The following TSHZ3 variants were observed in gnomAD, a reference collection of about 807,000 sequenced individuals.
The protein encoded by TSHZ3 is teashirt zinc finger homeobox 3, also known as teashirt homolog 3.
A neutral mutation model predicts 64.5 loss-of-function variants in TSHZ3; 10 were observed. The observed-to-expected ratio is 0.16, with a 90% CI of 0.10 to 0.26. TSHZ3 has a LOEUF of 0.26. TSHZ3 is among the 10% of genes least tolerant of loss of function. TSHZ3 has a pLI of 1.00. For missense variants in TSHZ3, 1,242 were observed against 1,421.7 expected, an observed-to-expected ratio of 0.87 and a Z score of 2.03; for synonymous variants, 608 against 593.1, an observed-to-expected ratio of 1.03 and a Z score of -0.36.
rs1479769870 is a variant in TSHZ3, at chr19:31,337,261, C to T, written c.40+11919G>A. 5.3e-5 allele frequency among the ~76,000 whole-genome samples: 8 copies of T among 152,122 alleles called. No individual in the cohort carries two copies. The South Asian group carries it at 1.0e-3, about 20-fold the overall frequency. On this transcript the variant is annotated intron_variant, in intron 1 of 1. Coordinates refer to ENST00000240587, the MANE Select transcript of TSHZ3 (RefSeq NM_020856.4). ...GATGGATGGCTGCAATAAATCATGTCTCCAGCCATAAAACTGAGAAAAGGG... is the reference window on the plus strand; with the variant it reads ...GATGGATGGCTGCAATAAATCATGTTTCCAGCCATAAAACTGAGAAAAGGG...
chr19:31,330,972 C>T (rs1016786926), intron 1 of TSHZ3, among the ~76,000 whole-genome samples: 12 of 152,186 alleles, frequency 7.9e-5, no homozygotes, highest in East Asian at 5.8e-4. Flanking sequence ...CAATGGGAAA[C>T]GCAGGGCCTG....
Position 31,341,627 on chromosome 19 carries a change from TCTGACA to T in TSHZ3, c.40+7547_40+7552del, listed in dbSNP as rs1159055525. The stretch of plus-strand genomic sequence containing the variant: ...TGCACTCACTCTCTCTCTCTCTCTC[TCTGACA>T]CACACACACACACACACACACACAC... On this transcript the variant is annotated intron_variant, in intron 1 of 1. Transcript: ENST00000240587. Among the ~76,000 whole-genome samples the T allele has an allele frequency of 3.4e-5, 4 of 116,660 alleles. No individual in the cohort carries two copies. In the East Asian group the frequency reaches 7.4e-4, roughly 22 times the overall value. The allele number at this position is 116,660 out of a possible 152,430, so 76.5% of individuals were successfully genotyped here. A position where few individuals can be genotyped will look rare whatever the true frequency, so the allele number is the denominator to read the frequency against.
At chr19:31,198,940 A>G (rs1975031932) in intron 5 of TSHZ3, among the ~76,000 whole-genome samples, 1 of 152,194 alleles carries the variant, frequency 6.6e-6, no homozygotes, top group Non-Finnish European at 1.5e-5. Context: ...TCCGATTTAC[A>G]GGGAGAGGTA....
chr19:31,240,959 C>A (rs1168311657), intron 3 of TSHZ3, among the ~76,000 whole-genome samples: 3 of 152,124 alleles, frequency 2.0e-5, no homozygotes, highest in Non-Finnish European at 4.4e-5. Context: ...AAATATTATA[C>A]TTGTTTTAAA....
intron 1 of TSHZ3, among the ~76,000 whole-genome samples, chr19:31,323,351 T>C (rs1916831898): frequency 6.6e-6 from 1 of 152,212 alleles, no homozygotes; most frequent in Non-Finnish European, 1.5e-5. Context: ...TGGGGGCCTT[T>C]AAAAATCAGA....
chr19:31,281,431 C>T (rs1976359671), intron 1 of TSHZ3, among the ~76,000 whole-genome samples: 2 of 152,174 alleles, frequency 1.3e-5, no homozygotes, highest in Non-Finnish European at 2.9e-5. Flanking sequence ...GCCCCAGGTA[C>T]ACACATCAGC....
intron 4 of TSHZ3, among the ~76,000 whole-genome samples, chr19:31,218,600 G>A (rs1975361301): frequency 6.6e-6 from 1 of 152,178 alleles, no homozygotes; most frequent in Non-Finnish European, 1.5e-5. Context: ...ACTCCCACGT[G>A]GATATGTGTA....
At chr19:31,152,042 T>G (rs1271846543) in intron 6 of TSHZ3, among the ~76,000 whole-genome samples, 3 of 152,138 alleles carry the variant, frequency 2.0e-5, no homozygotes, top group Non-Finnish European at 1.5e-5. Context: ...TTAAACTCTT[T>G]CCTTCATGGC....
intron 1 of TSHZ3, among the ~76,000 whole-genome samples, chr19:31,247,018 A>G (rs1218796699): frequency 1.3e-5 from 2 of 152,194 alleles, no homozygotes; most frequent in African/African-American, 2.4e-5. Flanking sequence ...CACCAGTTAC[A>G]TGGATATAAA....
chr19:31,311,042 C>A (rs148263796), intron 1 of TSHZ3, among the ~76,000 whole-genome samples: 2 of 152,262 alleles, frequency 1.3e-5, no homozygotes, highest in Non-Finnish European at 2.9e-5. Flanking sequence ...CCTCTTGAGA[C>A]CAGGAAGGGA....
At chr19:31,319,274 T>C (rs1358021559) in intron 1 of TSHZ3, among the ~76,000 whole-genome samples, 1 of 152,180 alleles carries the variant, frequency 6.6e-6, no homozygotes, top group African/African-American at 2.4e-5. Flanking sequence ...AAGAAGAACG[T>C]TGTCAACACA....
intron 1 of TSHZ3, among the ~76,000 whole-genome samples, chr19:31,255,605 G>A (rs1043130064): frequency 2.6e-5 from 4 of 152,108 alleles, no homozygotes; most frequent in Admixed American, 6.5e-5. Flanking sequence ...CACTACAGCT[G>A]CTCCCCAAGC....
Position 31,170,921 on chromosome 19 carries a change from T to C in TSHZ3, n.810-14504A>G, listed in dbSNP as rs374388024. Among the ~76,000 whole-genome samples the C allele has an allele frequency of 8.5e-5, 13 of 152,350 alleles. No individual in the cohort carries two copies. The East Asian group carries it at 1.4e-3, about 16-fold the overall frequency. ...CAAGTGAGGCTAAAGTTATTGAATA[T>C]GCAAATTGGCTTATTAAAAGAAGAA... is the stretch of plus-strand genomic sequence containing the variant. On this transcript the variant is annotated intron_variant and non_coding_transcript_variant, in intron 5 of 6. Transcript: ENST00000651361.
intron 5 of TSHZ3, among the ~76,000 whole-genome samples, chr19:31,165,493 G>T (rs1185928847): frequency 6.6e-6 from 1 of 152,136 alleles, no homozygotes; most frequent in Non-Finnish European, 1.5e-5. Flanking sequence ...AGCACAGATT[G>T]GATGTAAACG....
At chr19:31,313,382 C>T (rs975338736) in intron 1 of TSHZ3, among the ~76,000 whole-genome samples, 5 of 152,228 alleles carry the variant, frequency 3.3e-5, no homozygotes, top group Non-Finnish European at 7.3e-5. Context: ...CACCTTTGAA[C>T]GATGGCCCCC....
chr19:31,283,900 T>C (rs1301179540), intron 1 of TSHZ3, among the ~76,000 whole-genome samples: 2 of 152,144 alleles, frequency 1.3e-5, no homozygotes, highest in African/African-American at 4.8e-5. Flanking sequence ...TCCCAGTCAC[T>C]GTGCAGATGG....
intron 1 of TSHZ3, among the ~76,000 whole-genome samples, chr19:31,321,430 C>T (rs540485598): frequency 2.6e-5 from 4 of 152,338 alleles, no homozygotes; most frequent in African/African-American, 7.2e-5. Context: ...GACCGTTCCC[C>T]GTTGTTTTTA....
At chr19:31,186,182 G>A (rs1348291806) in intron 5 of TSHZ3, among the ~76,000 whole-genome samples, 5 of 152,142 alleles carry the variant, frequency 3.3e-5, no homozygotes, top group Non-Finnish European at 7.4e-5. Context: ...TTGAGTAAGT[G>A]TGTAGGAGTG....
chr19:31,163,849 A>G (rs1047853737), intron 5 of TSHZ3, among the ~76,000 whole-genome samples: 1 of 152,180 alleles, frequency 6.6e-6, no homozygotes, highest in African/African-American at 2.4e-5. Flanking sequence ...CATCAAGAAG[A>G]GCTGCAAGTA....
Sources: allele counts gnomAD v4.1 joint callset (sites outside exome capture counted in the v4.1 genomes callset), GRCh38; gene constraint gnomAD v4.1.1; transcripts MANE v1.5; gene names NCBI Gene and HGNC (gene_info 2026-07-23, HGNC 2026-07-21).